The following DPCD variants were observed in gnomAD, a reference collection of about 807,000 sequenced individuals.
The protein encoded by DPCD is protein DPCD.
Under a neutral mutation model 26.4 loss-of-function variants are expected in DPCD, and 20 were observed. That is an observed-to-expected ratio of 0.76 (90% CI 0.53 to 1.10). DPCD has a LOEUF of 1.10. DPCD is among the 50% of genes least tolerant of loss of function. The pLI is 0.00. For synonymous variants in DPCD, 97 were observed against 94.2 expected (o/e 1.03, Z -0.17); for missense variants, 202 against 253.9 (o/e 0.80, Z 1.39).
rs1203402164 is a variant in DPCD at position 101,608,901 on chromosome 10, G to A, written c.471G>A (p.Leu157=). ...RHQLPLDDAL[L]SFAHANCTLI... is the part of the protein sequence containing the mutation. ...AGCTACCTCTGGATGACGCCTTGCT[G>A]AGCTTTGCCCACGCCAACTGCACCC... The change falls in exon 5 of 6, where the codon CTG becomes CTA. Residue 157 remains leucine, a synonymous_variant. Coordinates refer to ENST00000370151, the MANE Select transcript of DPCD (RefSeq NM_015448.3). 3 of 1,613,776 alleles carry A rather than the reference G, an allele frequency of 1.9e-6. No homozygotes were observed. Among genetic ancestry groups the A allele is most frequent in the Admixed American group, 3.3e-5 (2 of 60,006 alleles).
At chr10:101,591,066 T>G (rs1269784941) in intron 1 of DPCD, among the ~76,000 whole-genome samples, 1 of 152,106 alleles carries the variant, frequency 6.6e-6, no homozygotes, top group Non-Finnish European at 1.5e-5. Flanking sequence ...TTCCCTGTGT[T>G]TTTAGGGGAG....
At chr10:101,609,222 A>G (rs2063755676) in intron 5 of DPCD, 145 bp from the exon 6 acceptor site, 1 of 773,412 alleles carries the variant, frequency 1.3e-6, no homozygotes, top group South Asian at 1.8e-5. Flanking sequence ...ACTCAGGCAC[A>G]TGACCTTGAG....
rs1192193026 is a variant in DPCD, at chr10:101,601,273, ATGTCTATAG to A, written c.347_355del (p.Tyr116_Val118del). On this transcript the variant is annotated inframe_deletion, in exon 4 of 6. Coordinates refer to ENST00000370151, the MANE Select transcript of DPCD (RefSeq NM_015448.3). ...ATTCGAAACCTCCCCTATCCTAAGGATGTCTATAGTGTCTCTGTGGACCAGAAGGAGCGC... is the reference window on the plus strand; with the variant it reads ...ATTCGAAACCTCCCCTATCCTAAGGATGTCTCTGTGGACCAGAAGGAGCGC... 2 of 1,613,638 alleles carry A rather than the reference ATGTCTATAG, an allele frequency of 1.2e-6. No individual in the cohort carries two copies. Among genetic ancestry groups the A allele is most frequent in the Non-Finnish European group, 1.7e-6 (2 of 1,179,914 alleles).
intron 1 of DPCD, among the ~76,000 whole-genome samples, chr10:101,593,933 T>C (rs1429742208): frequency 6.6e-6 from 1 of 152,168 alleles, no homozygotes; most frequent in Non-Finnish European, 1.5e-5. Context: ...ACTTGGTCTT[T>C]AGGAAACCAT....
chr10:101,594,590 C>T, intron 1 of DPCD, 68 bp from the exon 2 acceptor site: 1 of 1,503,650 alleles, frequency 6.7e-7, no homozygotes, highest in Non-Finnish European at 9.3e-7. Context: ...CCCAGGTAGG[C>T]CCCTTGATCT....
chr10:101,593,654 T>G (rs1236427050), intron 1 of DPCD, among the ~76,000 whole-genome samples: 1 of 152,134 alleles, frequency 6.6e-6, no homozygotes, highest in Non-Finnish European at 1.5e-5. Context: ...AGTGGCACAA[T>G]CTCAGCTCAC....
intron 4 of DPCD, among the ~76,000 whole-genome samples, chr10:101,601,970 A>G (rs2063701724): frequency 6.6e-6 from 1 of 152,152 alleles, no homozygotes; most frequent in Non-Finnish European, 1.5e-5. Flanking sequence ...GAAAGGACAG[A>G]AGGTGGCCAC....
chr10:101,590,062 G>GAAAAAAAAA (rs1564889361), intron 1 of DPCD, among the ~76,000 whole-genome samples: 2 of 113,804 alleles, frequency 1.8e-5, no homozygotes, highest in African/African-American at 3.2e-5. Flanking sequence ...CAAAAAAACT[G>GAAAAAAAAA]GAAAAAAAAA....
At chr10:101,608,171 G>A (rs891825029) in intron 4 of DPCD, among the ~76,000 whole-genome samples, 1 of 152,162 alleles carries the variant, frequency 6.6e-6, no homozygotes, top group Non-Finnish European at 1.5e-5. Flanking sequence ...GACCATGTGT[G>A]ATATGTAAAA....
rs1215423539 is a variant in DPCD, at chr10:101,600,707, T to C, written c.146-31T>C. ...TCTTCACTCTCATCCTGATGCTTGC[T>C]TCTCATCCCGATGCTTGCTTCTCTC... On this transcript the variant is annotated intron_variant, in intron 2 of 5. Transcript: ENST00000370151. The surrounding 1 kb of genome is among the most constrained non-coding windows in gnomAD (Gnocchi z 4.7). 6.3e-7 allele frequency: 1 copy of C among 1,583,512 alleles called. No homozygotes were observed. Among genetic ancestry groups the C allele is most frequent in the African/African-American group, 1.3e-5 (1 of 74,096 alleles).
intron 4 of DPCD, among the ~76,000 whole-genome samples, chr10:101,604,479 G>A (rs2063720321): frequency 6.6e-6 from 1 of 152,178 alleles, no homozygotes; most frequent in African/African-American, 2.4e-5. Flanking sequence ...TGAAGAGCTG[G>A]GTTGGTGACT....
intron 1 of DPCD, among the ~76,000 whole-genome samples, chr10:101,590,063 G>GAAAAAAAAAAAAAAAAAAAAAAA (rs34473619): frequency 8.5e-6 from 1 of 117,264 alleles, no homozygotes. Context: ...AAAAAAACTG[G>GAAAAAAAAAAAAAAAAAAAAAAA]AAAAAAAAAA....
intron 2 of DPCD, among the ~76,000 whole-genome samples, chr10:101,595,265 T>C (rs2063642573): frequency 6.6e-6 from 1 of 152,156 alleles, no homozygotes; most frequent in African/African-American, 2.4e-5. Context: ...GCGTGGTCAC[T>C]TTCATTCCTG....
chr10:101,598,638 TTTTGA>T (rs2063670991), intron 2 of DPCD, among the ~76,000 whole-genome samples: 1 of 125,310 alleles, frequency 8.0e-6, no homozygotes, highest in African/African-American at 3.4e-5. Context: ...TTTTTTTTTT[TTTTGA>T]GACGGAGTTT....
rs148547618 is a variant in DPCD at position 101,600,961 on chromosome 10, C to T, written c.270+99C>T. On this transcript the variant is annotated intron_variant, in intron 3 of 5. Transcript: ENST00000370151. The surrounding 1 kb of genome is among the most constrained non-coding windows in gnomAD (Gnocchi z 4.7). ...AGGGACCATGTCTTGTTCACCTCCT[C>T]GCCTCCAGTGTGCCACCTGGACACA... is the stretch of plus-strand genomic sequence containing the variant. 181 of 1,571,560 alleles carry T rather than the reference C, an allele frequency of 1.2e-4. No individual in the cohort carries two copies. Among genetic ancestry groups the T allele is most frequent in the South Asian group, 2.3e-4 (20 of 86,436 alleles).
intron 4 of DPCD, chr10:101,604,998 C>T (rs1447799006): frequency 7.9e-7 from 1 of 1,261,410 alleles, no homozygotes; most frequent in Non-Finnish European, 1.1e-6. Flanking sequence ...CTGGATTAAA[C>T]AGGCTTCTCT....
intron 4 of DPCD, chr10:101,601,575 A>G (rs2063699404): frequency 6.5e-6 from 1 of 153,154 alleles, no homozygotes; most frequent in African/African-American, 2.4e-5. Context: ...GGGGCTCAGT[A>G]AATATTTGTT....
intron 2 of DPCD, among the ~76,000 whole-genome samples, chr10:101,597,021 A>C (rs1389721471): frequency 6.6e-6 from 1 of 152,048 alleles, no homozygotes; most frequent in Non-Finnish European, 1.5e-5. Context: ...AGTGCTATTC[A>C]TTCCCACCCC....
At chr10:101,596,899 CAA>C (rs1291788720) in intron 2 of DPCD, among the ~76,000 whole-genome samples, 1 of 152,128 alleles carries the variant, frequency 6.6e-6, no homozygotes, top group East Asian at 1.9e-4. Context: ...TAGAAAAATT[CAA>C]AGTAATTTAC....
Sources: gnomAD v4.1 joint callset for allele counts (sites outside exome capture counted in the v4.1 genomes callset) on GRCh38, gnomAD v4.1.1 for gene constraint, Gnocchi (gnomAD v3.1) non-coding constraint, MANE v1.5 for transcripts, NCBI Gene and HGNC (gene_info 2026-07-23, HGNC 2026-07-21) for gene names.